The following MOB3B variants were observed in gnomAD, a reference collection of about 807,000 sequenced individuals.
The protein encoded by MOB3B is MOB kinase activator-like 2B.
In MOB3B, 7 loss-of-function variants were observed where a neutral mutation model predicts 18.7. That is an observed-to-expected ratio of 0.37 (90% CI 0.21 to 0.70). MOB3B has a LOEUF of 0.70. Ranked by LOEUF, MOB3B falls within the 30% of genes least tolerant of loss-of-function variation. The pLI, the probability that MOB3B is intolerant of heterozygous loss-of-function variation, is 0.52. For synonymous variants in MOB3B, 111 were observed against 99.9 expected (o/e 1.11, Z -0.66); for missense variants, 253 against 281.3 (o/e 0.90, Z 0.72).
chr9:27,467,822 G>A (rs1342503741), intron 1 of MOB3B, among the ~76,000 whole-genome samples: 1 of 152,278 alleles, frequency 6.6e-6, no homozygotes, highest in African/African-American at 2.4e-5. Context: ...ATGGGAAAGG[G>A]TGGGCAAATC....
In MOB3B at chr9:27,407,512, C is replaced by T. The variant is rs942074803; in HGVS notation, c.418+47621G>A. ...CATGGATTCAGGCCAGAGCATGAAC[C>T]CCTGGGGCATGGAGAGCTTGATTTT... On this transcript the variant is annotated intron_variant, in intron 2 of 3. Transcript: ENST00000262244. 3.9e-5 allele frequency among the ~76,000 whole-genome samples: 6 copies of T among 152,104 alleles called. No individual in the cohort carries two copies. The East Asian group carries it at 5.8e-4, about 15-fold the overall frequency.
chr9:27,372,792 G>C (rs1199283733), intron 2 of MOB3B, among the ~76,000 whole-genome samples: 1 of 152,168 alleles, frequency 6.6e-6, no homozygotes, highest in East Asian at 1.9e-4. Flanking sequence ...AATGTAATGT[G>C]GTATCCTGGA....
chr9:27,431,453 A>C (rs923814355), intron 2 of MOB3B, among the ~76,000 whole-genome samples: 3 of 152,256 alleles, frequency 2.0e-5, no homozygotes, highest in Non-Finnish European at 4.4e-5. Flanking sequence ...GTCCAATCCC[A>C]CAAAAAGGAC....
intron 2 of MOB3B, among the ~76,000 whole-genome samples, chr9:27,380,478 C>T (rs897631051): frequency 5.3e-5 from 8 of 152,168 alleles, no homozygotes; most frequent in Non-Finnish European, 1.2e-4. Context: ...ACCTCGTGAT[C>T]CACCCGCCTC....
intron 1 of MOB3B, among the ~76,000 whole-genome samples, chr9:27,472,408 C>A (rs1002623945): frequency 3.3e-5 from 5 of 152,038 alleles, no homozygotes; most frequent in African/African-American, 1.2e-4. Flanking sequence ...CAAACCCCTG[C>A]GGCGAGGGCT....
chr9:27,395,879 C>A (rs1486548690), intron 2 of MOB3B, among the ~76,000 whole-genome samples: 2 of 152,196 alleles, frequency 1.3e-5, no homozygotes, highest in Non-Finnish European at 2.9e-5. Context: ...GTTCAAGGAG[C>A]ACTTGCAGGA....
At chr9:27,347,042 G>A (rs1277594775) in intron 3 of MOB3B, among the ~76,000 whole-genome samples, 1 of 152,114 alleles carries the variant, frequency 6.6e-6, no homozygotes, top group Non-Finnish European at 1.5e-5. Context: ...AATAAACAAA[G>A]TAAAAGGAAA....
rs1324599327 is a variant in MOB3B, at chr9:27,329,206, AATAT to A, written c.*1377_*1380del. The A allele has an allele frequency of 6.6e-6, 1 of 152,188 alleles. No individual in the cohort carries two copies. The highest frequency in any genetic ancestry group is 2.4e-5 in the African/African-American group (1 of 41,450). 9.4% of individuals were successfully genotyped at this position (152,188 alleles called of 1,614,324 possible). A position where few individuals can be genotyped will look rare whatever the true frequency, so the allele number is the denominator to read the frequency against. On this transcript the variant is annotated 3_prime_UTR_variant, in exon 4 of 4. Transcript: ENST00000262244. Reference sequence around the variant, plus strand: ...TCTTATCTACTTCCCTCCACCGACAAATATTTTGCTAAATTAAAAGGATCACTGG... The same window carrying A: ...TCTTATCTACTTCCCTCCACCGACAATTTGCTAAATTAAAAGGATCACTGG...
At chr9:27,375,788 C>A (rs1436890011) in intron 2 of MOB3B, among the ~76,000 whole-genome samples, 2 of 152,142 alleles carry the variant, frequency 1.3e-5, no homozygotes, top group Admixed American at 6.5e-5. Flanking sequence ...GTCCCAAAGG[C>A]ATTAGCACCC....
intron 1 of MOB3B, among the ~76,000 whole-genome samples, chr9:27,473,330 G>A (rs1035589894): frequency 6.6e-6 from 1 of 152,180 alleles, no homozygotes; most frequent in Non-Finnish European, 1.5e-5. Context: ...GAGGCAAAGG[G>A]GGAGGGTGGG....
intron 2 of MOB3B, among the ~76,000 whole-genome samples, chr9:27,415,220 G>T (rs940260264): frequency 2.0e-5 from 3 of 152,182 alleles, no homozygotes; most frequent in African/African-American, 4.8e-5. Flanking sequence ...GGCTTTATGG[G>T]TGTGCATAAT....
intron 3 of MOB3B, among the ~76,000 whole-genome samples, chr9:27,331,880 C>A (rs527513535): frequency 6.6e-6 from 1 of 152,134 alleles, no homozygotes; most frequent in East Asian, 1.9e-4. Context: ...GCGTTCTATT[C>A]GAAAACCATA....
At chr9:27,336,194 C>G (rs2131333891) in intron 3 of MOB3B, among the ~76,000 whole-genome samples, 1 of 152,304 alleles carries the variant, frequency 6.6e-6, no homozygotes, top group South Asian at 2.1e-4. Context: ...GTTCACCCAG[C>G]TAGTCAGTGT....
intron 2 of MOB3B, among the ~76,000 whole-genome samples, chr9:27,393,664 C>T (rs1034465364): frequency 3.3e-5 from 5 of 152,144 alleles, no homozygotes; most frequent in South Asian, 4.1e-4. Flanking sequence ...GCTTACATGT[C>T]AAGCACTGTG....
intron 2 of MOB3B, among the ~76,000 whole-genome samples, chr9:27,381,468 C>T (rs1182370111): frequency 1.3e-5 from 2 of 152,086 alleles, no homozygotes; most frequent in Non-Finnish European, 2.9e-5. Flanking sequence ...TCTTGGGACC[C>T]TGAGAACCCT....
rs35766164 is a variant in MOB3B, at chr9:27,480,059, T to TAA, written c.-198-24313_-198-24312dup. On this transcript the variant is annotated intron_variant, in intron 1 of 3. Coordinates refer to ENST00000262244, the MANE Select transcript of MOB3B (RefSeq NM_024761.5). ...GCAACAGAGCAAGATACTGTCTCTT[T>TAA]AAAAAAAAAAAAAAAAGGCTAAGCA... Among the ~76,000 whole-genome samples the TAA allele has an allele frequency of 4.3e-3, 593 of 136,576 alleles. 5 individuals are homozygous for TAA. Among genetic ancestry groups the TAA allele is most frequent in the African/African-American group, 0.014 (533 of 37,104 alleles). The allele number at this position is 136,576 out of a possible 152,430, so 89.6% of individuals were successfully genotyped here.
In MOB3B at chr9:27,341,682, C is replaced by T. The variant is rs1587141346; in HGVS notation, c.622-11066G>A. Among the ~76,000 whole-genome samples the T allele has an allele frequency of 2.0e-5, 3 of 152,310 alleles. No individual in the cohort carries two copies. In the South Asian group the frequency reaches 6.2e-4, roughly 32 times the overall value. ...CGTGAGAGCCTCAGGAGCTGGTCAC[C>T]ACTTTGTGCCCGACTCTGTCACTGA... On this transcript the variant is annotated intron_variant, in intron 3 of 3. Coordinates refer to ENST00000262244, the MANE Select transcript of MOB3B (RefSeq NM_024761.5).
intron 2 of MOB3B, 62 bp from the exon 3 acceptor site, chr9:27,359,298 C>T: frequency 1.3e-6 from 2 of 1,482,534 alleles, no homozygotes; most frequent in Non-Finnish European, 1.9e-6. Context: ...TTCCTCTTTC[C>T]TCTAATATGA....
intron 2 of MOB3B, among the ~76,000 whole-genome samples, chr9:27,361,472 C>T (rs1821273745): frequency 6.6e-6 from 1 of 152,118 alleles, no homozygotes; most frequent in Admixed American, 6.5e-5. Context: ...AAGCCACAAC[C>T]AGAGGCAAGA....
Sources: gnomAD v4.1 joint callset for allele counts (sites outside exome capture counted in the v4.1 genomes callset) on GRCh38, gnomAD v4.1.1 for gene constraint, MANE v1.5 for transcripts, NCBI Gene and HGNC (gene_info 2026-07-23, HGNC 2026-07-21) for gene names.